ASCC3: variants seen among roughly 807,000 people sequenced by gnomAD.
ASCC3 encodes ASC-1 complex subunit P200.
Under a neutral mutation model 256.3 loss-of-function variants are expected in ASCC3, and 158 were observed. That is an observed-to-expected ratio of 0.62 (90% CI 0.54 to 0.70). The LOEUF (loss-of-function observed/expected upper bound fraction) is 0.70, where lower values mean the gene tolerates loss of function less well. ASCC3 is among the 30% of genes least tolerant of loss of function. The pLI is 0.00. For synonymous variants in ASCC3, 948 were observed against 883.4 expected, an observed-to-expected ratio of 1.07 and a Z score of -1.30; for missense variants, 2,259 against 2,626.0, an observed-to-expected ratio of 0.86 and a Z score of 3.05.
intron 10 of ASCC3, among the ~76,000 whole-genome samples, chr6:100,754,255 C>A (rs1477001099): frequency 6.6e-6 from 1 of 152,098 alleles, no homozygotes; most frequent in East Asian, 1.9e-4. Flanking sequence ...TGTACTTTAA[C>A]ATAATCTGGT....
chr6:100,711,616 G>T (rs1019486342), intron 13 of ASCC3, among the ~76,000 whole-genome samples: 1 of 152,142 alleles, frequency 6.6e-6, no homozygotes, highest in African/African-American at 2.4e-5. Flanking sequence ...TGTAATCCCA[G>T]CTACTTGGGA....
At chr6:100,662,868 T>C (rs1242986024) in intron 14 of ASCC3, among the ~76,000 whole-genome samples, 1 of 151,952 alleles carries the variant, frequency 6.6e-6, no homozygotes, top group Non-Finnish European at 1.5e-5. Flanking sequence ...TAAAACTAAA[T>C]CTCAGTGGCT....
chr6:100,637,590 A>G (rs1048410131), intron 25 of ASCC3, among the ~76,000 whole-genome samples: 1 of 152,152 alleles, frequency 6.6e-6, no homozygotes, highest in Non-Finnish European at 1.5e-5. Context: ...TGGGCAGAGT[A>G]AGTTGGAAAT....
intron 8 of ASCC3, among the ~76,000 whole-genome samples, chr6:100,788,042 A>C (rs1769175879): frequency 6.6e-6 from 1 of 152,002 alleles, no homozygotes; most frequent in Non-Finnish European, 1.5e-5. Flanking sequence ...AAAACAAGTC[A>C]CAAAATGGGA....
intron 13 of ASCC3, among the ~76,000 whole-genome samples, chr6:100,688,388 G>GA (rs1418311402): frequency 6.6e-6 from 1 of 152,038 alleles, no homozygotes; most frequent in Admixed American, 6.5e-5. Context: ...TAGATCTTAT[G>GA]AAAAAATCTA....
At chr6:100,800,593 A>C in intron 5 of ASCC3, 89 bp from the exon 6 acceptor site, 5 of 956,178 alleles carry the variant, frequency 5.2e-6, no homozygotes, top group South Asian at 1.4e-5. Flanking sequence ...CCACCCCACA[A>C]CATATAATGC....
intron 36 of ASCC3, among the ~76,000 whole-genome samples, chr6:100,561,530 T>C (rs1769953367): frequency 6.6e-6 from 1 of 152,168 alleles, no homozygotes; most frequent in Admixed American, 6.5e-5. Context: ...GGGTCTCAAA[T>C]GACAATTTAT....
In ASCC3 at chr6:100,642,641, C is replaced by T. The variant is rs2114893166; in HGVS notation, c.3841G>A (p.Ala1281Thr). The change falls in exon 24 of 42, where the codon GCA (alanine) becomes ACA (threonine). Residue 1281 changes from alanine (A) to threonine (T), a missense_variant. Physicochemically the swap from Ala to Thr is moderately conservative, Grantham distance 58. Transcript: ENST00000369162. ...TGTTGAAAGTTGATAATACATACTGCCTCAGCACCCAACCATCTATCAGAC... is the reference window on the plus strand; with the variant it reads ...TGTTGAAAGTTGATAATACATACTGTCTCAGCACCCAACCATCTATCAGAC... Reference protein sequence around the residue: ...AVSDRWLGAEAVCIINFQHLI... With the variant: ...AVSDRWLGAETVCIINFQHLI... 6.2e-7 allele frequency: 1 copy of T among 1,613,986 alleles called. No homozygotes were observed. Among genetic ancestry groups the T allele is most frequent in the East Asian group, 2.2e-5 (1 of 44,840 alleles).
intron 10 of ASCC3, among the ~76,000 whole-genome samples, chr6:100,760,754 C>T (rs965965564): frequency 1.3e-5 from 2 of 152,104 alleles, no homozygotes; most frequent in African/African-American, 4.8e-5. Context: ...TGGCGTCAAA[C>T]ATAGACCAAA....
chr6:100,819,444 C>T (rs1314656128), intron 4 of ASCC3, among the ~76,000 whole-genome samples: 2 of 152,128 alleles, frequency 1.3e-5, no homozygotes, highest in African/African-American at 4.8e-5. Context: ...CACACGATCA[C>T]AAGGTGAAGT....
chr6:100,828,693 G>T (rs1437768591), intron 4 of ASCC3, among the ~76,000 whole-genome samples: 1 of 152,154 alleles, frequency 6.6e-6, no homozygotes, highest in Non-Finnish European at 1.5e-5. Context: ...CTCCCAGTGG[G>T]TTCGTGGTCT....
At chr6:100,841,038 G>A (rs1772120540) in intron 4 of ASCC3, among the ~76,000 whole-genome samples, 1 of 152,052 alleles carries the variant, frequency 6.6e-6, no homozygotes, top group South Asian at 2.1e-4. Flanking sequence ...AGAAAAAATG[G>A]TGGCAAAATC....
chr6:100,616,274 T>G (rs543722331), intron 30 of ASCC3, among the ~76,000 whole-genome samples: 2 of 152,318 alleles, frequency 1.3e-5, no homozygotes, highest in South Asian at 4.1e-4. Context: ...TGAGATTAGG[T>G]GGATTATGTT....
At chr6:100,858,167 C>G (rs555676907) in intron 3 of ASCC3, 13 of 464,256 alleles carry the variant, frequency 2.8e-5, no homozygotes, top group Non-Finnish European at 3.1e-5. Flanking sequence ...AAATGTATTA[C>G]GTTACATAAA....
At chr6:100,802,646 C>T (rs1228190809) in intron 5 of ASCC3, among the ~76,000 whole-genome samples, 3 of 151,886 alleles carry the variant, frequency 2.0e-5, no homozygotes, top group African/African-American at 7.3e-5. Context: ...TCTACAGTTT[C>T]CAAAAAATAT....
rs1428075966 is a variant in ASCC3 at position 100,631,202 on chromosome 6, A to G, written c.4134T>C (p.Ile1378=). 1.9e-5 allele frequency: 30 copies of G among 1,611,630 alleles called. No individual in the cohort carries two copies. Among genetic ancestry groups the G allele is most frequent in the Non-Finnish European group, 2.4e-5 (28 of 1,178,188 alleles). Reference sequence around the variant, plus strand: ...CACGTACTAGGGCTTTTAGGGGTGCAATATATACCGCCTAAAAAGGGGAGA... The same window carrying G: ...CACGTACTAGGGCTTTTAGGGGTGCGATATATACCGCCTAAAAAGGGGAGA... ...NKYPTSKAVY[I]APLKALVRER... The change falls in exon 26 of 42, where the codon ATT becomes ATC. Residue 1378 remains isoleucine (I), a synonymous_variant. Transcript: ENST00000369162.
chr6:100,570,422 T>C (rs1770526280), intron 36 of ASCC3, among the ~76,000 whole-genome samples: 1 of 152,160 alleles, frequency 6.6e-6, no homozygotes, highest in Admixed American at 6.5e-5. Flanking sequence ...GTTTGTCATA[T>C]TATTTTGAGC....
intron 10 of ASCC3, among the ~76,000 whole-genome samples, chr6:100,744,507 G>A (rs1228761844): frequency 6.6e-6 from 1 of 152,074 alleles, no homozygotes; most frequent in Non-Finnish European, 1.5e-5. Context: ...CTTTTATAAT[G>A]ATAAATTATG....
At chr6:100,852,099 G>A (rs974511155) in intron 3 of ASCC3, among the ~76,000 whole-genome samples, 2 of 152,212 alleles carry the variant, frequency 1.3e-5, no homozygotes, top group African/African-American at 4.8e-5. Flanking sequence ...AGGTGCTGGG[G>A]CCGCAAAGGA....
Sources: allele counts gnomAD v4.1 joint callset (sites outside exome capture counted in the v4.1 genomes callset), GRCh38; gene constraint gnomAD v4.1.1; transcripts MANE v1.5; gene names NCBI Gene and HGNC (gene_info 2026-07-23, HGNC 2026-07-21).